The following CAMTA1 variants were observed in gnomAD, a reference collection of about 807,000 sequenced individuals.
CAMTA1 encodes calmodulin-binding transcription activator 1.
In CAMTA1, 27 loss-of-function variants were observed where a neutral mutation model predicts 170.9. That is an observed-to-expected ratio of 0.16 (90% confidence interval 0.12 to 0.22). The LOEUF is 0.22. Among genes scored for constraint, CAMTA1 ranks in the 10% least tolerant of loss-of-function variants. CAMTA1 has a pLI of 1.00. For missense variants in CAMTA1, 1,619 were observed against 2,217.2 expected (o/e 0.73, Z 5.42); for synonymous variants, 833 against 891.5 (o/e 0.93, Z 1.17).
intron 7 of CAMTA1, among the ~76,000 whole-genome samples, chr1:7,641,000 C>T (rs1475346169): frequency 2.0e-5 from 3 of 152,144 alleles, no homozygotes; most frequent in African/African-American, 4.8e-5. Flanking sequence ...GGGCCTGCCT[C>T]GGCTCCCAGG....
chr1:7,444,174 G>C (rs1322642139), intron 5 of CAMTA1, among the ~76,000 whole-genome samples: 1 of 152,216 alleles, frequency 6.6e-6, no homozygotes, highest in African/African-American at 2.4e-5. Flanking sequence ...TATTAAAAGA[G>C]TTACCATCTT....
rs112901940 is a variant in CAMTA1 at position 7,565,128 on chromosome 1, C to T, written c.511-75272C>T. Reference sequence around the variant, plus strand: ...TCCCTGGGGAGACTCCTGCCAGTCACCTGTGCTACCTGGATATACCCCTCA... The same window carrying T: ...TCCCTGGGGAGACTCCTGCCAGTCATCTGTGCTACCTGGATATACCCCTCA... On this transcript the variant is annotated intron_variant, in intron 6 of 22. Transcript: ENST00000303635. The surrounding 1 kb of genome is among the most constrained non-coding windows in gnomAD (Gnocchi z 4.5). Among the ~76,000 whole-genome samples the T allele has an allele frequency of 4.0e-3, 603 of 152,066 alleles. 1 individual carries two copies. Among genetic ancestry groups the T allele is most frequent in the Non-Finnish European group, 6.0e-3 (410 of 67,966 alleles).
intron 3 of CAMTA1, among the ~76,000 whole-genome samples, chr1:6,964,789 T>A (rs1211334844): frequency 1.3e-5 from 2 of 152,220 alleles, no homozygotes; most frequent in Non-Finnish European, 2.9e-5. Context: ...TCAGTATATG[T>A]TGCTTGTGAG....
intron 4 of CAMTA1, among the ~76,000 whole-genome samples, chr1:7,233,450 T>A (rs1574076784): frequency 6.6e-6 from 1 of 152,298 alleles, no homozygotes; most frequent in Non-Finnish European, 1.5e-5. Flanking sequence ...CAAAGACAGG[T>A]GATGCCATTA....
At chr1:7,321,825 G>A (rs572616812) in intron 5 of CAMTA1, among the ~76,000 whole-genome samples, 51 of 152,206 alleles carry the variant, frequency 3.4e-4, no homozygotes, top group Admixed American at 1.9e-3. Flanking sequence ...GGTAGCACAT[G>A]TTGGCTAGAA....
In CAMTA1 at chr1:7,429,247, G is replaced by A. The variant is rs536363187; in HGVS notation, c.439-38583G>A. ...TACACGTACCTCATATGGTGGTTGC[G>A]AGGTTGAAATGTAATGATTTATGTC... On this transcript the variant is annotated intron_variant, in intron 5 of 22. Transcript: ENST00000303635. 1.3e-3 allele frequency among the ~76,000 whole-genome samples: 192 copies of A among 152,310 alleles called. 4 individuals carry two copies. The highest frequency in any genetic ancestry group is 3.4e-3 in the Middle Eastern group (1 of 294).
Position 7,386,112 on chromosome 1 carries a change from A to T in CAMTA1, c.439-81718A>T, listed in dbSNP as rs115165956. ...AGGGACCATTGTCAGGCAGAGACACATGCGCACAGCCCCAGCCCGCTGGAA... is the reference window on the plus strand; with the variant it reads ...AGGGACCATTGTCAGGCAGAGACACTTGCGCACAGCCCCAGCCCGCTGGAA... On this transcript the variant is annotated intron_variant, in intron 5 of 22. Coordinates refer to ENST00000303635, the MANE Select transcript of CAMTA1 (RefSeq NM_015215.4). Among the ~76,000 whole-genome samples the T allele has an allele frequency of 1.8e-3, 274 of 152,314 alleles. 1 individual carries two copies. Among genetic ancestry groups the T allele is most frequent in the African/African-American group, 6.5e-3 (269 of 41,574 alleles).
intron 4 of CAMTA1, among the ~76,000 whole-genome samples, chr1:7,242,580 C>A (rs187637752): frequency 1.3e-5 from 2 of 152,072 alleles, no homozygotes; most frequent in Non-Finnish European, 2.9e-5. Flanking sequence ...AGGGGTAAAC[C>A]CATTTTGGTA....
chr1:7,103,630 TAC>T (rs1325701935), intron 4 of CAMTA1, among the ~76,000 whole-genome samples: 21 of 42,602 alleles, frequency 4.9e-4, no homozygotes, highest in East Asian at 4.2e-3. Context: ...CACACACAAC[TAC>T]ACACACGCAC....
chr1:7,317,815 A>G (rs1423086375), intron 5 of CAMTA1, among the ~76,000 whole-genome samples: 1 of 152,268 alleles, frequency 6.6e-6, no homozygotes, highest in Non-Finnish European at 1.5e-5. Context: ...GATATTTATA[A>G]GAGACACTTG....
chr1:7,271,884 A>G (rs989212880), intron 5 of CAMTA1, among the ~76,000 whole-genome samples: 3 of 152,150 alleles, frequency 2.0e-5, no homozygotes, highest in Non-Finnish European at 2.9e-5. Context: ...AAAATCCTAG[A>G]AAGATGAAAT....
intron 3 of CAMTA1, among the ~76,000 whole-genome samples, chr1:7,033,066 G>A (rs1020993697): frequency 5.6e-4 from 85 of 152,140 alleles, no homozygotes; most frequent in Admixed American, 9.2e-4. Context: ...CTTGGGGCTC[G>A]TTGAGCTACT....
chr1:7,504,502 T>C lies in CAMTA1; in HGVS notation c.510+36601T>C, dbSNP rs552483986. ...GGGAGTGTGGGCCTCACAGGCCACC[T>C]GCTTCCAGGGCCCTCAGAGCTGCCT... is the stretch of plus-strand genomic sequence containing the variant. On this transcript the variant is annotated intron_variant, in intron 6 of 22. Coordinates refer to ENST00000303635, the MANE Select transcript of CAMTA1 (RefSeq NM_015215.4). Among the ~76,000 whole-genome samples, 230 of 152,368 alleles carry C rather than the reference T, an allele frequency of 1.5e-3. 2 individuals carry two copies. The highest frequency in any genetic ancestry group is 3.4e-3 in the Middle Eastern group (1 of 294).
At chr1:7,367,064 A>G (rs1192689631) in intron 5 of CAMTA1, among the ~76,000 whole-genome samples, 1 of 152,100 alleles carries the variant, frequency 6.6e-6, no homozygotes, top group Non-Finnish European at 1.5e-5. Flanking sequence ...GAGCTTTCTA[A>G]CTTGTCATTT....
intron 11 of CAMTA1, among the ~76,000 whole-genome samples, chr1:7,722,722 C>T (rs2096657830): frequency 6.6e-6 from 1 of 152,008 alleles, no homozygotes; most frequent in Middle Eastern, 3.4e-3. Context: ...TTCTTTTCAG[C>T]ATTTCATTTA....
At chr1:7,254,324 TCACAGCAC>T (rs1330991788) in intron 5 of CAMTA1, among the ~76,000 whole-genome samples, 1 of 150,400 alleles carries the variant, frequency 6.6e-6, no homozygotes, top group African/African-American at 2.5e-5. Flanking sequence ...CAGTGGGTGG[TCACAGCAC>T]AGAGGCTGTT....
intron 3 of CAMTA1, among the ~76,000 whole-genome samples, chr1:7,060,345 T>C (rs1470033035): frequency 6.6e-6 from 1 of 152,192 alleles, no homozygotes; most frequent in Non-Finnish European, 1.5e-5. Flanking sequence ...TGCACACGGC[T>C]CCCTGATGTC....
Position 7,456,127 on chromosome 1 carries a change from G to T in CAMTA1, c.439-11703G>T, listed in dbSNP as rs2092945986. ...TTAATGCAGGCAGACCTGGTGAAGG[G>T]TGAGGGGGTACCCATAACAGAGGGA... is the stretch of plus-strand genomic sequence containing the variant. On this transcript the variant is annotated intron_variant, in intron 5 of 22. Transcript: ENST00000303635. This position sits in a 1 kb window ranked among gnomAD's most constrained non-coding sequence, Gnocchi z 4.9. 6.6e-6 allele frequency among the ~76,000 whole-genome samples: 1 copy of T among 151,976 alleles called. No homozygotes were observed. The highest frequency in any genetic ancestry group is 2.1e-4 in the South Asian group (1 of 4,806).
chr1:7,671,576 GGGT>G, intron 10 of CAMTA1, among the ~76,000 whole-genome samples: 1 of 152,230 alleles, frequency 6.6e-6, no homozygotes, highest in Non-Finnish European at 1.5e-5. Flanking sequence ...GAGGGAGATG[GGGT>G]GGTGATGGGA....
Sources: gnomAD v4.1 joint callset for allele counts (sites outside exome capture counted in the v4.1 genomes callset) on GRCh38, gnomAD v4.1.1 for gene constraint, Gnocchi (gnomAD v3.1) non-coding constraint, MANE v1.5 for transcripts, NCBI Gene and HGNC (gene_info 2026-07-23, HGNC 2026-07-21) for gene names.